Variants in ARHGAP42 observed in about 807,000 individuals in gnomAD.
ARHGAP42 encodes the protein Rho GTPase activating protein 42.
Under a neutral mutation model 125.0 loss-of-function variants are expected in ARHGAP42, and 63 were observed. The ratio of observed to expected loss-of-function variants is 0.50; its 90% CI spans 0.41 to 0.62. ARHGAP42 has a LOEUF of 0.62. Among genes scored for constraint, ARHGAP42 ranks in the 20% least tolerant of loss-of-function variants. ARHGAP42 has a pLI of 0.00. For synonymous variants in ARHGAP42, 339 were observed against 351.0 expected (o/e 0.97, Z 0.38); for missense variants, 766 against 1,024.2 (o/e 0.75, Z 3.44).
In ARHGAP42 at chr11:100,961,778, G is replaced by T. The variant is rs764891675; in HGVS notation, c.1385+10G>T. The T allele has an allele frequency of 2.6e-6, 4 of 1,547,360 alleles. No homozygotes were observed. The highest frequency in any genetic ancestry group is 3.5e-6 in the Non-Finnish European group (4 of 1,143,076). ...TGAAAAACTACCTCAGGTGAGGAGG[G>T]TTTAACTCCTGGTACTCTGGATGTA... On this transcript the variant is annotated intron_variant, in intron 15 of 23. Transcript: ENST00000298815.
chr11:100,730,753 A>G (rs1861941750), intron 1 of ARHGAP42, among the ~76,000 whole-genome samples: 1 of 152,222 alleles, frequency 6.6e-6, no homozygotes. Context: ...TGTGAACATC[A>G]TAGAATGTAT....
chr11:100,976,684 C>T, intron 20 of ARHGAP42, 131 bp from the exon 21 acceptor site: 4 of 1,216,150 alleles, frequency 3.3e-6, no homozygotes, highest in Non-Finnish European at 4.5e-6. Flanking sequence ...GGTTGCTGTA[C>T]TCAAAGAACA....
rs1208467537 is a variant in ARHGAP42, at chr11:100,978,719, A to AG, written c.2394-268_2394-267insG. Among the ~76,000 whole-genome samples, 10 of 152,296 alleles carry AG rather than the reference A, an allele frequency of 6.6e-5. No homozygotes were observed. In the South Asian group the frequency reaches 2.1e-3, roughly 32 times the overall value. ...AGAAAATGTTCCTTTTACTGCTCCC[A>AG]TGGTTTTCTGAGATAAAAAGGATGA... On this transcript the variant is annotated intron_variant, in intron 21 of 23. Transcript: ENST00000298815.
chr11:100,764,306 G>C lies in ARHGAP42; in HGVS notation c.155-6037G>C, dbSNP rs544841909. Reference sequence around the variant, plus strand: ...CCCAAAGCGTTGAGATTACAGGCATGAGCCAATATGCCTAGCCCCTCCCAG... The same window carrying C: ...CCCAAAGCGTTGAGATTACAGGCATCAGCCAATATGCCTAGCCCCTCCCAG... On this transcript the variant is annotated intron_variant, in intron 1 of 23. Coordinates refer to ENST00000298815, the MANE Select transcript of ARHGAP42 (RefSeq NM_152432.4). Among the ~76,000 whole-genome samples, 207 of 152,262 alleles carry C rather than the reference G, an allele frequency of 1.4e-3. 1 individual carries two copies. The highest frequency in any genetic ancestry group is 4.8e-3 in the African/African-American group (200 of 41,560).
chr11:100,797,914 G>A (rs530638175), intron 3 of ARHGAP42, among the ~76,000 whole-genome samples: 1 of 152,260 alleles, frequency 6.6e-6, no homozygotes, highest in Admixed American at 6.5e-5. Context: ...CTCACAAAGA[G>A]GTTAAAATAT....
intron 1 of ARHGAP42, among the ~76,000 whole-genome samples, chr11:100,744,144 T>C (rs1210069792): frequency 1.3e-5 from 2 of 152,200 alleles, no homozygotes; most frequent in African/African-American, 4.8e-5. Flanking sequence ...CTAATTTTTC[T>C]ATTTTTAGTA....
chr11:100,765,109 G>A (rs1862798397), intron 1 of ARHGAP42, among the ~76,000 whole-genome samples: 1 of 152,124 alleles, frequency 6.6e-6, no homozygotes, highest in African/African-American at 2.4e-5. Flanking sequence ...CAAAAGAATA[G>A]CAGGCTTGTT....
chr11:100,992,917 G>A lies in ARHGAP42; in HGVS notation c.*4116G>A. 1.9e-6 allele frequency: 1 copy of A among 514,892 alleles called. No homozygotes were observed. Among genetic ancestry groups the A allele is most frequent in the East Asian group, 3.3e-5 (1 of 30,594 alleles). The allele number at this position is 514,892 out of a possible 1,614,324, so 31.9% of individuals were successfully genotyped here. On this transcript the variant is annotated 3_prime_UTR_variant, in exon 24 of 24. Transcript: ENST00000298815. ...CATTCCTTTTCCCCTTGGCACTCATGAGAGAGATGCCAAGTTCAGTGTGGA... is the reference window on the plus strand; with the variant it reads ...CATTCCTTTTCCCCTTGGCACTCATAAGAGAGATGCCAAGTTCAGTGTGGA...
intron 3 of ARHGAP42, chr11:100,859,224 T>A: frequency 5.1e-6 from 1 of 195,282 alleles, no homozygotes; most frequent in Non-Finnish European, 1.0e-5. Flanking sequence ...ATTAAACCAG[T>A]GTAATTATAG....
In ARHGAP42 at chr11:100,976,374, T is replaced by C. The variant is rs1384461618; in HGVS notation, c.2173T>C (p.Tyr725His). The C allele has an allele frequency of 2.6e-6, 4 of 1,550,176 alleles. No homozygotes were observed. ...CATAGACCTAGTCAAGAAAGAGCCT[T>C]ATGGGCTTTCAGGACTGAAAAGAGC... ...PPIDLVKKEPYGLSGLKRASA... is the reference protein window; with the variant it reads ...PPIDLVKKEPHGLSGLKRASA... Residue 725 changes from tyrosine (Y) to histidine (H), a missense_variant, in exon 20 of 24, where the codon TAT becomes CAT. By Grantham distance (83) the Tyr-to-His change is moderately conservative. Coordinates refer to ENST00000298815, the MANE Select transcript of ARHGAP42 (RefSeq NM_152432.4).
At chr11:100,978,928 T>G (rs1167930687) in intron 21 of ARHGAP42, 59 bp from the exon 22 acceptor site, 2 of 1,511,988 alleles carry the variant, frequency 1.3e-6, no homozygotes, top group East Asian at 2.5e-5. Flanking sequence ...TGAATTTCAC[T>G]TTGAGCAGAA....
intron 1 of ARHGAP42, among the ~76,000 whole-genome samples, chr11:100,743,910 T>C (rs1186898912): frequency 2.0e-5 from 3 of 152,230 alleles, no homozygotes; most frequent in Admixed American, 2.0e-4. Flanking sequence ...CAAATGTGTC[T>C]TTCATTTCCA....
intron 4 of ARHGAP42, among the ~76,000 whole-genome samples, chr11:100,864,062 A>G (rs1865510974): frequency 6.6e-6 from 1 of 152,122 alleles, no homozygotes; most frequent in South Asian, 2.1e-4. Context: ...TTCCATTTCC[A>G]TGACCGTGTT....
chr11:100,977,113 A>C, intron 21 of ARHGAP42, 142 bp downstream of exon 21: 1 of 953,328 alleles, frequency 1.0e-6, no homozygotes, highest in East Asian at 2.6e-5. Flanking sequence ...CACTTCTGTA[A>C]GACTCTATTC....
At chr11:100,702,155 A>G (rs1267924236) in intron 1 of ARHGAP42, among the ~76,000 whole-genome samples, 1 of 152,174 alleles carries the variant, frequency 6.6e-6, no homozygotes, top group Non-Finnish European at 1.5e-5. Context: ...AAAAATAAAA[A>G]TAAAGTGAGA....
chr11:100,844,863 CTG>C (rs1865024762), intron 3 of ARHGAP42, among the ~76,000 whole-genome samples: 1 of 152,104 alleles, frequency 6.6e-6, no homozygotes, highest in African/African-American at 2.4e-5. Context: ...AGTATAACCA[CTG>C]TGGAAAACAG....
chr11:100,992,352 G>C lies in ARHGAP42; in HGVS notation c.*3551G>C, dbSNP rs200325839. Reference sequence around the variant, plus strand: ...GTAGGACCCGGAAATCACATCTCCTGGTCAGGTCACGAAAAAGAACACAGG... The same window carrying C: ...GTAGGACCCGGAAATCACATCTCCTCGTCAGGTCACGAAAAAGAACACAGG... On this transcript the variant is annotated 3_prime_UTR_variant, in exon 24 of 24. Transcript: ENST00000298815. 3.1e-6 allele frequency: 5 copies of C among 1,613,130 alleles called. No homozygotes were observed. Among genetic ancestry groups the C allele is most frequent in the East Asian group, 4.5e-5 (2 of 44,866 alleles).
intron 1 of ARHGAP42, among the ~76,000 whole-genome samples, chr11:100,750,756 G>T (rs1374473908): frequency 6.6e-6 from 1 of 152,110 alleles, no homozygotes; most frequent in African/African-American, 2.4e-5. Flanking sequence ...GGTGGAGCAG[G>T]TTATCGAATA....
intron 4 of ARHGAP42, among the ~76,000 whole-genome samples, chr11:100,912,075 T>A (rs1340148657): frequency 1.3e-5 from 2 of 152,146 alleles, no homozygotes; most frequent in African/African-American, 4.8e-5. Flanking sequence ...AAGATTATGA[T>A]AGATTCTTGG....
Sources: gnomAD v4.1 joint callset for allele counts (sites outside exome capture counted in the v4.1 genomes callset) on GRCh38, gnomAD v4.1.1 for gene constraint, MANE v1.5 for transcripts, NCBI Gene and HGNC (gene_info 2026-07-23, HGNC 2026-07-21) for gene names.